Variants in SORBS2 observed in about 807,000 individuals in gnomAD.
SORBS2 encodes the protein sorbin and SH3 domain containing 2.
A neutral mutation model predicts 97.7 loss-of-function variants in SORBS2; 46 were observed. The ratio of observed to expected loss-of-function variants is 0.47; its 90% CI spans 0.37 to 0.60. SORBS2 has a LOEUF of 0.60. Ranked by LOEUF, SORBS2 falls within the 20% of genes least tolerant of loss-of-function variation. The pLI is 0.00. For synonymous variants in SORBS2, 476 were observed against 473.4 expected, an observed-to-expected ratio of 1.01 and a Z score of -0.07; for missense variants, 1,316 against 1,282.3, an observed-to-expected ratio of 1.03 and a Z score of -0.40.
At chr4:185,819,079 C>T (rs1420515740) in intron 1 of SORBS2, among the ~76,000 whole-genome samples, 1 of 152,114 alleles carries the variant, frequency 6.6e-6, no homozygotes, top group African/African-American at 2.4e-5. Flanking sequence ...TTTTTGGTAA[C>T]ACATGAGAAA....
chr4:185,587,279 G>C (rs1268521771), exon 15 of SORBS2: 1 of 217,156 alleles, frequency 4.6e-6, no homozygotes, highest in Non-Finnish European at 9.0e-6. Flanking sequence ...ATGGAGCCAC[G>C]AGGCTGGACA....
At chr4:185,799,187 G>A (rs2099119214) in intron 1 of SORBS2, among the ~76,000 whole-genome samples, 1 of 152,166 alleles carries the variant, frequency 6.6e-6, no homozygotes, top group South Asian at 2.1e-4. Context: ...GTAAGCAGAA[G>A]CTCTGGAGTC....
chr4:185,886,554 C>CAAAAAAAAAAAAAAAAAAAAAAA (rs1198439527), intron 1 of SORBS2, among the ~76,000 whole-genome samples: 4 of 72,950 alleles, frequency 5.5e-5, no homozygotes, highest in Admixed American at 1.5e-4. Context: ...GACTCTGTCT[C>CAAAAAAAAAAAAAAAAAAAAAAA]AAAAAAAAAA....
intron 2 of SORBS2, among the ~76,000 whole-genome samples, chr4:185,743,278 ATT>A (rs775100851): frequency 1.3e-5 from 2 of 152,092 alleles, no homozygotes; most frequent in Non-Finnish European, 2.9e-5. Flanking sequence ...AGCTCACTAA[ATT>A]TTGGTGCAGC....
At chr4:185,743,916 T>C (rs907852450) in intron 2 of SORBS2, among the ~76,000 whole-genome samples, 1 of 149,230 alleles carries the variant, frequency 6.7e-6, no homozygotes, top group African/African-American at 2.5e-5. Flanking sequence ...CTCCTTCTTC[T>C]ATTTTCTTTC....
chr4:185,597,258 G>A (rs1442272501), intron 12 of SORBS2, among the ~76,000 whole-genome samples: 1 of 152,172 alleles, frequency 6.6e-6, no homozygotes. Context: ...TGAAATCAAT[G>A]AGTTGGACAA....
At position 185,845,906 on chromosome 4, in the gene SORBS2, T is replaced by A. The variant is rs961901289; in HGVS notation, c.-337-70540A>T. Reference sequence around the variant, plus strand: ...ATAAACAAAACAAAATCTGACAATATCAAATGCTGACAAGGATGTGGAGCA... The same window carrying A: ...ATAAACAAAACAAAATCTGACAATAACAAATGCTGACAAGGATGTGGAGCA... On this transcript the variant is annotated intron_variant, in intron 1 of 20. Transcript: ENST00000284776. Among the ~76,000 whole-genome samples the A allele has an allele frequency of 2.6e-4, 39 of 152,124 alleles. 1 individual carries two copies. The highest frequency in any genetic ancestry group is 7.3e-5 in the Non-Finnish European group (5 of 68,028).
intron 2 of SORBS2, among the ~76,000 whole-genome samples, chr4:185,754,333 C>G (rs1420423311): frequency 1.3e-5 from 2 of 152,140 alleles, no homozygotes; most frequent in East Asian, 3.8e-4. Flanking sequence ...GGTTGAAAAA[C>G]TACCTATCAA....
Position 185,623,097 on chromosome 4 carries a change from A to G in SORBS2, c.2032T>C (p.Ser678Pro), listed in dbSNP as rs371176235. 1 of 1,614,118 alleles carries G rather than the reference A, an allele frequency of 6.2e-7. No homozygotes were observed. The highest frequency in any genetic ancestry group is 2.2e-5 in the East Asian group (1 of 44,872). ...GGGCTCCTCCTCAGCGCTCTCAGGG[A>G]TGAGTTCCTCTCGGGAACATCTGGC... is the stretch of plus-strand genomic sequence containing the variant. The change falls in exon 7 of 15, where the codon TCC becomes CCC. Residue 678 changes from serine (S) to proline (P), a missense_variant. By Grantham distance (74) the Ser-to-Pro change is moderately conservative. Coordinates refer to ENST00000418609, the Ensembl canonical transcript of SORBS2. The surrounding 1 kb of genome is among the most constrained non-coding windows in gnomAD (Gnocchi z 6.4).
intron 1 of SORBS2, among the ~76,000 whole-genome samples, chr4:185,875,366 A>G (rs2099232938): frequency 6.6e-6 from 1 of 152,180 alleles, no homozygotes; most frequent in African/African-American, 2.4e-5. Context: ...CCATAAATAT[A>G]TTTGGTTTTC....
intron 2 of SORBS2, among the ~76,000 whole-genome samples, chr4:185,745,580 C>T (rs2098754946): frequency 6.6e-6 from 1 of 152,120 alleles, no homozygotes; most frequent in African/African-American, 2.4e-5. Context: ...TTACAAATTT[C>T]CTTAGACTGC....
chr4:185,744,066 T>C (rs577704759), intron 2 of SORBS2, among the ~76,000 whole-genome samples: 4 of 135,506 alleles, frequency 3.0e-5, no homozygotes, highest in African/African-American at 8.4e-5. Flanking sequence ...CTTCTCCCCC[T>C]TCCTTTCCTC....
intron 1 of SORBS2, among the ~76,000 whole-genome samples, chr4:185,878,434 C>T (rs2099234900): frequency 6.6e-6 from 1 of 152,140 alleles, no homozygotes; most frequent in Admixed American, 6.5e-5. Flanking sequence ...CTTATTTCCC[C>T]ATCTTGGTAA....
At chr4:185,720,247 C>T (rs1415817488) in intron 2 of SORBS2, among the ~76,000 whole-genome samples, 6 of 152,180 alleles carry the variant, frequency 3.9e-5, no homozygotes, top group Non-Finnish European at 7.3e-5. Context: ...TATGTTTAAC[C>T]TCTGTTAATT....
At chr4:185,941,985 G>A (rs2099272236) in intron 1 of SORBS2, among the ~76,000 whole-genome samples, 1 of 151,996 alleles carries the variant, frequency 6.6e-6, no homozygotes, top group Non-Finnish European at 1.5e-5. Flanking sequence ...GTGTGGTTGT[G>A]CACGCCTGTA....
At chr4:185,586,049 A>C (rs1049918110) in exon 15 of SORBS2, 3 of 147,354 alleles carry the variant, frequency 2.0e-5, no homozygotes, top group African/African-American at 7.5e-5. Context: ...AGACCAAATT[A>C]GGAAACGCCC....
At chr4:185,715,271 C>T (rs72702062) in intron 2 of SORBS2, among the ~76,000 whole-genome samples, 46,487 of 151,714 alleles carry the variant, frequency 0.31, 7,377 homozygotes, top group South Asian at 0.43. Context: ...GGCAATAAGG[C>T]GAAAAAGAGA....
At position 185,678,588 on chromosome 4, in the gene SORBS2, G is replaced by A. The variant is rs1035615494; in HGVS notation, c.-170-41C>T. On this transcript the variant is annotated intron_variant, in intron 3 of 20. Coordinates refer to the SORBS2 transcript ENST00000284776. Reference sequence around the variant, plus strand: ...AACAATTGGATACAAAAATATCTACGTTCACTTAAACATTTTTTATAAAAT... The same window carrying A: ...AACAATTGGATACAAAAATATCTACATTCACTTAAACATTTTTTATAAAAT... 4.7e-6 allele frequency: 7 copies of A among 1,475,754 alleles called. No homozygotes were observed. The East Asian group carries it at 7.6e-5, about 16-fold the overall frequency. The allele number at this position is 1,475,754 out of a possible 1,614,324, so 91.4% of individuals were successfully genotyped here.
Position 185,593,757 on chromosome 4 carries a change from C to T in SORBS2, c.2846+129G>A, listed in dbSNP as rs2096015681. On this transcript the variant is annotated intron_variant, in intron 13 of 14. Transcript: ENST00000418609. Reference sequence around the variant, plus strand: ...AGATGGAGAGACTATTACAATTTCTCGTAATTTAAGAGGCCTCATGTTAGT... The same window carrying T: ...AGATGGAGAGACTATTACAATTTCTTGTAATTTAAGAGGCCTCATGTTAGT... 5 of 661,002 alleles carry T rather than the reference C, an allele frequency of 7.6e-6. No individual in the cohort carries two copies. In the South Asian group the frequency reaches 7.7e-5, roughly 10 times the overall value. 40.9% of individuals were successfully genotyped at this position (661,002 alleles called of 1,614,324 possible). A position where few individuals can be genotyped will look rare whatever the true frequency, so the allele number is the denominator to read the frequency against.
Sources: allele counts gnomAD v4.1 joint callset (sites outside exome capture counted in the v4.1 genomes callset), GRCh38; gene constraint gnomAD v4.1.1; non-coding constraint Gnocchi (gnomAD v3.1); transcripts MANE v1.5; gene names NCBI Gene and HGNC (gene_info 2026-07-23, HGNC 2026-07-21).